LRRC56: variants seen among roughly 807,000 people sequenced by gnomAD.
LRRC56 encodes the protein leucine-rich repeat-containing protein 56.
LRRC56 carries 41 observed loss-of-function variants against 47.8 expected under a neutral mutation model. That is an observed-to-expected ratio of 0.86 (90% CI 0.67 to 1.11). LRRC56 has a LOEUF of 1.11. Ranked by LOEUF, LRRC56 falls within the 50% of genes most tolerant of loss-of-function variation. The pLI is 0.00. For missense variants in LRRC56, 759 were observed against 704.2 expected, an observed-to-expected ratio of 1.08 and a Z score of -0.88; for synonymous variants, 387 against 311.2, an observed-to-expected ratio of 1.24 and a Z score of -2.56.
the LRRC56 span, among the ~76,000 whole-genome samples, chr11:517,058 C>T: frequency 5.0e-4 from 76 of 152,178 alleles, no homozygotes; most frequent in African/African-American, 1.6e-3. Context: ...CCCTGTTGAC[C>T]GGGCTGGTCT....
At chr11:531,394 C>T in the LRRC56 span, among the ~76,000 whole-genome samples, 1 of 152,158 alleles carries the variant, frequency 6.6e-6, no homozygotes, top group African/African-American at 2.4e-5. Flanking sequence ...CGCTGTGGGC[C>T]CCCAGCAGAA....
intron 8 of LRRC56, among the ~76,000 whole-genome samples, chr11:550,643 AC>A (rs1852336931): frequency 6.6e-6 from 1 of 151,568 alleles, no homozygotes; most frequent in African/African-American, 2.4e-5. Flanking sequence ...CCCACAGACC[AC>A]CCTATGCAGT....
At chr11:509,249 C>T in the LRRC56 span, among the ~76,000 whole-genome samples, 2 of 152,194 alleles carry the variant, frequency 1.3e-5, no homozygotes, top group Non-Finnish European at 2.9e-5. Flanking sequence ...TGACAAGAAG[C>T]TGGAAGGATG....
At chr11:522,509 G>T in the LRRC56 span, among the ~76,000 whole-genome samples, 2 of 151,978 alleles carry the variant, frequency 1.3e-5, no homozygotes, top group Non-Finnish European at 2.9e-5. Context: ...CTCGTGATTC[G>T]CCCACCTCGG....
chr11:516,890 C>T, the LRRC56 span, among the ~76,000 whole-genome samples: 1 of 152,230 alleles, frequency 6.6e-6, no homozygotes, highest in South Asian at 2.1e-4. Flanking sequence ...CCCTCTGTTG[C>T]CGAGGCTGGA....
At chr11:526,265 C>T in the LRRC56 span, among the ~76,000 whole-genome samples, 9 of 152,136 alleles carry the variant, frequency 5.9e-5, no homozygotes, top group Non-Finnish European at 1.2e-4. Context: ...AAAACTTCAG[C>T]AAAGGGGACC....
upstream of LRRC56, chr11:533,989 G>A (rs745342495): frequency 6.3e-7 from 1 of 1,591,288 alleles, no homozygotes. Flanking sequence ...ACCTTCCGTG[G>A]GGGGAGTTCA....
In LRRC56 at chr11:540,681, G is replaced by A; in HGVS notation, c.-4G>A. 4 of 1,612,124 alleles carry A rather than the reference G, an allele frequency of 2.5e-6. No homozygotes were observed. The highest frequency in any genetic ancestry group is 2.5e-6 in the Non-Finnish European group (3 of 1,179,580). On this transcript the variant is annotated 5_prime_UTR_variant, in exon 4 of 14. It adds an upstream start codon to the 5' untranslated region. Transcript: ENST00000270115. ...CTGTGCCTCTGTCAGCAGGTGACAT[G>A]TGAATGGATCTGGGCTGGGACAGAT...
intron 6 of LRRC56, among the ~76,000 whole-genome samples, chr11:545,797 T>A (rs1159225862): frequency 6.6e-6 from 1 of 152,194 alleles, no homozygotes; most frequent in African/African-American, 2.4e-5. Flanking sequence ...ATGTAGCCTG[T>A]TCCCAGCAGC....
chr11:554,138 T>A lies in LRRC56; in HGVS notation c.1491T>A (p.Pro497=). Reference sequence around the variant, plus strand: ...TGGGTGATGGGGTGGCTGCAGTGCCTGTCCTGAGAGCCCTGGAGGTGGCCT... The same window carrying A: ...TGGGTGATGGGGTGGCTGCAGTGCCAGTCCTGAGAGCCCTGGAGGTGGCCT... ...PGLGDGVAAV[P]VLRALEVASR... is the part of the protein sequence containing the mutation. Residue 497 remains proline, a synonymous_variant, in exon 14 of 14, where the codon CCT becomes CCA. Coordinates refer to ENST00000270115, the MANE Select transcript of LRRC56 (RefSeq NM_198075.4). 1 of 1,601,980 alleles carries A rather than the reference T, an allele frequency of 6.2e-7. No individual in the cohort carries two copies. Among genetic ancestry groups the A allele is most frequent in the Non-Finnish European group, 8.5e-7 (1 of 1,176,424 alleles).
chr11:522,198 C>G, the LRRC56 span, among the ~76,000 whole-genome samples: 1 of 151,928 alleles, frequency 6.6e-6, no homozygotes, highest in Non-Finnish European at 1.5e-5. Context: ...CTCACTTTAT[C>G]CTCCAGAGTA....
the LRRC56 span, among the ~76,000 whole-genome samples, chr11:517,725 G>A: frequency 6.6e-6 from 1 of 152,168 alleles, no homozygotes; most frequent in African/African-American, 2.4e-5. Flanking sequence ...TTGTCAAAAA[G>A]AAAAGGGGGA....
At chr11:533,328 C>G (rs750721065), upstream of LRRC56, 1 of 1,604,010 alleles carries the variant, frequency 6.2e-7, no homozygotes, top group South Asian at 1.1e-5. Flanking sequence ...CAGAGGGTCC[C>G]GGAGCTGGAG....
chr11:554,256 C>T lies in LRRC56; in HGVS notation c.1609C>T (p.Pro537Ser). Reference sequence around the variant, plus strand: ...TCCCAGGGCAGCTGAACTCTCTCACCCCAGCCCCGTCCCCACTTAATATAG... The same window carrying T: ...TCCCAGGGCAGCTGAACTCTCTCACTCCAGCCCCGTCCCCACTTAATATAG... Reference protein sequence around the residue: ...RPPRAAELSHPSPVPT With the variant: ...RPPRAAELSHSSPVPT Residue 537 changes from proline (P) to serine (S), a missense_variant, in exon 14 of 14, where the codon CCC becomes TCC. Pro to Ser is a moderately conservative substitution (Grantham distance 74). Coordinates refer to ENST00000270115, the MANE Select transcript of LRRC56 (RefSeq NM_198075.4). 6.7e-7 allele frequency: 1 copy of T among 1,497,886 alleles called. No individual in the cohort carries two copies. Among genetic ancestry groups the T allele is most frequent in the Non-Finnish European group, 8.9e-7 (1 of 1,127,742 alleles). The allele number at this position is 1,497,886 out of a possible 1,614,324, so 92.8% of individuals were successfully genotyped here.
At chr11:532,744 A>G (rs1412169294), upstream of LRRC56, 3 of 1,612,744 alleles carry the variant, frequency 1.9e-6, no homozygotes, top group Non-Finnish European at 2.5e-6. Flanking sequence ...TGTAGAAGGC[A>G]TCCTCCACTC....
chr11:545,351 C>G (rs1475705354), intron 6 of LRRC56, among the ~76,000 whole-genome samples: 1 of 152,244 alleles, frequency 6.6e-6, no homozygotes, highest in Non-Finnish European at 1.5e-5. Context: ...CCCCGCACGG[C>G]TCATTGCAGC....
chr11:554,115 G>A lies in LRRC56; in HGVS notation c.1468G>A (p.Gly490Ser). 6.2e-7 allele frequency: 1 copy of A among 1,605,388 alleles called. No homozygotes were observed. Among genetic ancestry groups the A allele is most frequent in the Non-Finnish European group, 8.5e-7 (1 of 1,177,954 alleles). Residue 490 changes from glycine (G) to serine (S), a missense_variant, in exon 14 of 14, where the codon GGT becomes AGT. Gly to Ser is a moderately conservative substitution (Grantham distance 56). Coordinates refer to ENST00000270115, the MANE Select transcript of LRRC56 (RefSeq NM_198075.4). ...CCTGGGCAGCTGGGGGCCTGGCCTG[G>A]GTGATGGGGTGGCTGCAGTGCCTGT... ...RVLGSWGPGLGDGVAAVPVLR... is the reference protein window; with the variant it reads ...RVLGSWGPGLSDGVAAVPVLR...
At chr11:516,286 G>A in the LRRC56 span, among the ~76,000 whole-genome samples, 1 of 152,044 alleles carries the variant, frequency 6.6e-6, no homozygotes, top group East Asian at 1.9e-4. Flanking sequence ...CCAGCTACTC[G>A]GGAGGCTGAG....
Position 541,680 on chromosome 11 carries a change from C to G in LRRC56, c.265+56C>G. On this transcript the variant is annotated intron_variant, in intron 5 of 13. Transcript: ENST00000270115. The surrounding 1 kb of genome is among the most constrained non-coding windows in gnomAD (Gnocchi z 4.1). ...GGCCACGGCCACGCCTCCCTGTAAA[C>G]AACACACGTTTCCTGGTTATGACGA... The G allele has an allele frequency of 9.1e-7, 1 of 1,094,454 alleles. No individual in the cohort carries two copies. Among genetic ancestry groups the G allele is most frequent in the Admixed American group, 2.4e-5 (1 of 41,836 alleles). The allele number at this position is 1,094,454 out of a possible 1,614,324, so 67.8% of individuals were successfully genotyped here. A position where few individuals can be genotyped will look rare whatever the true frequency, so the allele number is the denominator to read the frequency against.
Sources: allele counts gnomAD v4.1 joint callset (sites outside exome capture counted in the v4.1 genomes callset), GRCh38; gene constraint gnomAD v4.1.1; non-coding constraint Gnocchi (gnomAD v3.1); transcripts MANE v1.5; gene names NCBI Gene and HGNC (gene_info 2026-07-23, HGNC 2026-07-21).